The following EFCAB3 variants were observed in gnomAD, a reference collection of about 807,000 sequenced individuals.
The protein encoded by EFCAB3 is EF-hand calcium binding domain 3.
In EFCAB3, 36 loss-of-function variants were observed where a neutral mutation model predicts 42.2. The observed-to-expected ratio is 0.85, with a 90% CI of 0.65 to 1.13. The LOEUF (loss-of-function observed/expected upper bound fraction) is 1.13, where lower values mean the gene tolerates loss of function less well. Ranked by LOEUF, EFCAB3 falls within the 50% of genes most tolerant of loss-of-function variation. The pLI, the probability that EFCAB3 is intolerant of heterozygous loss-of-function variation, is 0.00. For missense variants in EFCAB3, 418 were observed against 505.1 expected (o/e 0.83, Z 1.65); for synonymous variants, 170 against 172.8 (o/e 0.98, Z 0.13).
At chr17:62,399,600 C>T (rs1443714403) in intron 6 of EFCAB3, among the ~76,000 whole-genome samples, 2 of 152,104 alleles carry the variant, frequency 1.3e-5, no homozygotes, top group African/African-American at 4.8e-5. Context: ...ACATCAAACA[C>T]GCTCCCACCT....
rs149450162 is a variant in EFCAB3 at position 62,373,685 on chromosome 17, G to T, written c.35-129G>T. 9.5e-4 allele frequency: 582 copies of T among 613,590 alleles called. 1 individual carries two copies. The highest frequency in any genetic ancestry group is 4.4e-3 in the Middle Eastern group (17 of 3,826). The allele number at this position is 613,590 out of a possible 1,614,324, so 38.0% of individuals were successfully genotyped here. On this transcript the variant is annotated intron_variant, in intron 1 of 11. Transcript: ENST00000450662. ...CAGAAAAATGAATCCAAATTCCAAA[G>T]CAAACCAATGTTTCTAGTTCTTCTA...
At chr17:62,399,624 C>CTTGCTT (rs1347764672) in intron 6 of EFCAB3, among the ~76,000 whole-genome samples, 1 of 152,154 alleles carries the variant, frequency 6.6e-6, no homozygotes, top group Non-Finnish European at 1.5e-5. Context: ...GGCCTTTGCA[C>CTTGCTT]TTGCTTTTCC....
chr17:62,404,548 G>A (rs2070432367), intron 6 of EFCAB3, among the ~76,000 whole-genome samples: 1 of 152,136 alleles, frequency 6.6e-6, no homozygotes, highest in Admixed American at 6.5e-5. Context: ...TGTAATCCCA[G>A]CACTTTGGGA....
At chr17:62,412,822 G>A (rs951541979) in intron 8 of EFCAB3, among the ~76,000 whole-genome samples, 2 of 151,508 alleles carry the variant, frequency 1.3e-5, no homozygotes, top group Non-Finnish European at 2.9e-5. Flanking sequence ...CAGACCCAAG[G>A]AAGAAAATAG....
intron 2 of EFCAB3, 125 bp downstream of exon 2, chr17:62,383,178 A>G (rs2070218974): frequency 1.2e-6 from 1 of 854,710 alleles, no homozygotes; most frequent in Non-Finnish European, 1.8e-6. Context: ...AAAAAAAGAA[A>G]ATTATTGAGA....
intron 2 of EFCAB3, among the ~76,000 whole-genome samples, chr17:62,375,552 A>G (rs1048451623): frequency 6.6e-6 from 1 of 152,214 alleles, no homozygotes; most frequent in Non-Finnish European, 1.5e-5. Flanking sequence ...TTGAGTACAC[A>G]GTATATGCTC....
Position 62,416,349 on chromosome 17 carries a change from C to A in EFCAB3, c.*20C>A. 5 of 1,496,074 alleles carry A rather than the reference C, an allele frequency of 3.3e-6. No individual in the cohort carries two copies. The highest frequency in any genetic ancestry group is 4.5e-6 in the Non-Finnish European group (5 of 1,109,500). The allele number at this position is 1,496,074 out of a possible 1,614,324, so 92.7% of individuals were successfully genotyped here. ...CAATGAAATTTCTACATTTTCTAAACAGCTCATCACAAACTACTTTTTCAT... is the reference window on the plus strand; with the variant it reads ...CAATGAAATTTCTACATTTTCTAAAAAGCTCATCACAAACTACTTTTTCAT... On this transcript the variant is annotated 3_prime_UTR_variant, in exon 10 of 10. Coordinates refer to ENST00000305286, the MANE Select transcript of EFCAB3 (RefSeq NM_173503.4).
rs953547418 is a variant in EFCAB3 at position 62,409,656 on chromosome 17, G to T, written c.867+2444G>T. Among the ~76,000 whole-genome samples, 3 of 148,802 alleles carry T rather than the reference G, an allele frequency of 2.0e-5. No homozygotes were observed. In the East Asian group the frequency reaches 5.9e-4, roughly 29 times the overall value. ...CCCCCAATACCTTACCCCCTTTCCTGATTTTTTTCATAACACGTTACCATC... is the reference window on the plus strand; with the variant it reads ...CCCCCAATACCTTACCCCCTTTCCTTATTTTTTTCATAACACGTTACCATC... On this transcript the variant is annotated intron_variant, in intron 8 of 9. Transcript: ENST00000305286.
intron 6 of EFCAB3, among the ~76,000 whole-genome samples, chr17:62,404,839 AC>A (rs1401772311): frequency 6.6e-6 from 1 of 152,116 alleles, no homozygotes; most frequent in Admixed American, 6.5e-5. Flanking sequence ...GCAAATACAA[AC>A]ACAAGCCACT....
intron 8 of EFCAB3, among the ~76,000 whole-genome samples, chr17:62,407,916 T>C (rs1356969499): frequency 6.6e-6 from 1 of 152,120 alleles, no homozygotes; most frequent in East Asian, 1.9e-4. Flanking sequence ...CACTATACAA[T>C]TCCTAGAAGG....
intron 8 of EFCAB3, among the ~76,000 whole-genome samples, chr17:62,412,192 A>C (rs927545710): frequency 6.6e-6 from 1 of 151,694 alleles, no homozygotes; most frequent in South Asian, 2.1e-4. Flanking sequence ...CCTGGCCAAC[A>C]TGGTGAAACC....
chr17:62,380,695 T>C, intron 1 of EFCAB3, 82 bp downstream of exon 1: 1 of 723,076 alleles, frequency 1.4e-6, no homozygotes, highest in Non-Finnish European at 1.7e-6. Context: ...GGTATTTTTT[T>C]AAAGAAATGA....
intron 3 of EFCAB3, among the ~76,000 whole-genome samples, chr17:62,388,910 T>G (rs2070279098): frequency 6.6e-6 from 1 of 152,188 alleles, no homozygotes; most frequent in Admixed American, 6.5e-5. Flanking sequence ...TTAAGATACT[T>G]TGGTACTCAT....
upstream of EFCAB3, among the ~76,000 whole-genome samples, chr17:62,376,497 G>A (rs779003956): frequency 5.3e-5 from 8 of 152,132 alleles, no homozygotes; most frequent in Non-Finnish European, 1.2e-4. Flanking sequence ...CTTTATATAA[G>A]TATTAAGGGA....
chr17:62,413,828 G>C lies in EFCAB3; in HGVS notation c.964G>C (p.Ala322Pro). Residue 322 changes from alanine to proline, a missense_variant, in exon 9 of 10, where the codon GCC becomes CCC. Coordinates refer to ENST00000305286, the MANE Select transcript of EFCAB3 (RefSeq NM_173503.4). ...MLKKKQTCTV[A>P]DATAIKQHVK... is the part of the protein sequence containing the mutation. ...CAAGAAAAAGCAGACTTGTACAGTG[G>C]CCGATGCAACTGCTATTAAACAACA... 1 of 1,612,018 alleles carries C rather than the reference G, an allele frequency of 6.2e-7. No homozygotes were observed.
chr17:62,388,894 A>G (rs1734267612), intron 3 of EFCAB3, among the ~76,000 whole-genome samples: 2 of 152,232 alleles, frequency 1.3e-5, no homozygotes, highest in Admixed American at 1.3e-4. Flanking sequence ...AGGTTTCTAA[A>G]GTGCCTTAAG....
At chr17:62,400,820 G>A (rs1489083292) in intron 6 of EFCAB3, among the ~76,000 whole-genome samples, 3 of 152,034 alleles carry the variant, frequency 2.0e-5, no homozygotes, top group African/African-American at 7.2e-5. Flanking sequence ...TTCCACAATG[G>A]TTGAAGCAGT....
chr17:62,372,422 C>T (rs2070120677), intron 1 of EFCAB3, among the ~76,000 whole-genome samples: 1 of 152,054 alleles, frequency 6.6e-6, no homozygotes, highest in Admixed American at 6.6e-5. Flanking sequence ...GCTGGGACTA[C>T]AGGCACACAC....
Position 62,416,231 on chromosome 17 carries a change from C to G in EFCAB3, c.1219C>G (p.His407Asp). 1 of 1,613,872 alleles carries G rather than the reference C, an allele frequency of 6.2e-7. No homozygotes were observed. Among genetic ancestry groups the G allele is most frequent in the Non-Finnish European group, 8.5e-7 (1 of 1,179,800 alleles). Reference sequence around the variant, plus strand: ...TGCCTATGTGAATAGAAATTCCTCCCATAACTCCAGATCCTCTTCCTCATC... The same window carrying G: ...TGCCTATGTGAATAGAAATTCCTCCGATAACTCCAGATCCTCTTCCTCATC... ...YDAYVNRNSS[H>D]NSRSSSSSDT... Residue 407 changes from histidine to aspartate, a missense_variant, in exon 10 of 10, where the codon CAT becomes GAT. Physicochemically the swap from His to Asp is moderately conservative, Grantham distance 81 (BLOSUM62 -1). Coordinates refer to ENST00000305286, the MANE Select transcript of EFCAB3 (RefSeq NM_173503.4).
Sources: allele counts gnomAD v4.1 joint callset (sites outside exome capture counted in the v4.1 genomes callset), GRCh38; gene constraint gnomAD v4.1.1; transcripts MANE v1.5; gene names NCBI Gene and HGNC (gene_info 2026-07-23, HGNC 2026-07-21).